SMYD3: variants seen among roughly 807,000 people sequenced by gnomAD.
SMYD3 encodes histone-lysine N-methyltransferase SMYD3.
Under a neutral mutation model 57.7 loss-of-function variants are expected in SMYD3, and 36 were observed. That is an observed-to-expected ratio of 0.62 (90% CI 0.48 to 0.82). The LOEUF (loss-of-function observed/expected upper bound fraction) is 0.82, where lower values mean the gene tolerates loss of function less well. Ranked by LOEUF, SMYD3 falls within the 40% of genes least tolerant of loss-of-function variation. The probability of loss-of-function intolerance (pLI) is 0.00; values close to 1 mark genes in which losing one functional copy is unlikely to be tolerated. For missense variants in SMYD3, 515 were observed against 538.8 expected, an observed-to-expected ratio of 0.96 and a Z score of 0.44; for synonymous variants, 211 against 195.0, an observed-to-expected ratio of 1.08 and a Z score of -0.68.
intron 5 of SMYD3, among the ~76,000 whole-genome samples, chr1:246,261,048 G>T (rs577938898): frequency 0.064 from 6,265 of 98,624 alleles, 205 homozygotes; most frequent in African/African-American, 0.12. Context: ...GGGTTTTGTT[G>T]TTGTTGTTGT....
chr1:246,017,183 G>C (rs1208310320), intron 5 of SMYD3, among the ~76,000 whole-genome samples: 3 of 152,020 alleles, frequency 2.0e-5, no homozygotes, highest in South Asian at 2.1e-4. Flanking sequence ...TATTTTGAAA[G>C]AATCTTAAAC....
chr1:246,100,706 A>G (rs1362935591), intron 5 of SMYD3, among the ~76,000 whole-genome samples: 1 of 152,124 alleles, frequency 6.6e-6, no homozygotes, highest in Admixed American at 6.5e-5. Context: ...TATATTCCTG[A>G]GCATCCTGGG....
intron 1 of SMYD3, among the ~76,000 whole-genome samples, chr1:246,485,307 C>G (rs1048284440): frequency 2.0e-5 from 3 of 152,128 alleles, no homozygotes; most frequent in African/African-American, 7.2e-5. Flanking sequence ...TCACTTCAAC[C>G]AAAATACCTA....
At chr1:246,304,388 T>C (rs1328608793) in intron 5 of SMYD3, among the ~76,000 whole-genome samples, 2 of 152,084 alleles carry the variant, frequency 1.3e-5, no homozygotes, top group Non-Finnish European at 2.9e-5. Context: ...TCAAAGCACA[T>C]TGTAAAAATA....
At chr1:245,910,380 C>T (rs573788614) in intron 8 of SMYD3, among the ~76,000 whole-genome samples, 1 of 152,104 alleles carries the variant, frequency 6.6e-6, no homozygotes, top group Non-Finnish European at 1.5e-5. Context: ...AAGCAATCTA[C>T]ATTTTCAATG....
chr1:246,474,151 T>G (rs1005494023), intron 1 of SMYD3, among the ~76,000 whole-genome samples: 1 of 152,236 alleles, frequency 6.6e-6, no homozygotes, highest in South Asian at 2.1e-4. Context: ...TTTCAGCTTT[T>G]ACCTAAACTT....
intron 1 of SMYD3, among the ~76,000 whole-genome samples, chr1:246,363,180 G>A (rs1324786991): frequency 8.7e-5 from 13 of 148,704 alleles, no homozygotes; most frequent in Non-Finnish European, 9.0e-5. Context: ...GAGCCCCTCC[G>A]CCCGGCAGCC....
At chr1:246,271,335 C>T (rs908704016) in intron 5 of SMYD3, among the ~76,000 whole-genome samples, 1 of 151,932 alleles carries the variant, frequency 6.6e-6, no homozygotes, top group East Asian at 1.9e-4. Context: ...TTTTCTTTAG[C>T]TGCCTGTTCC....
chr1:246,341,483 C>A (rs986115028), intron 2 of SMYD3, among the ~76,000 whole-genome samples: 3 of 151,898 alleles, frequency 2.0e-5, no homozygotes, highest in Non-Finnish European at 4.4e-5. Context: ...AACAGGTGTT[C>A]AATACATATT....
rs528277617 is a variant in SMYD3 at position 246,041,784 on chromosome 1, T to G, written c.532-111847A>C. Among the ~76,000 whole-genome samples, 3 of 151,908 alleles carry G rather than the reference T, an allele frequency of 2.0e-5. 1 individual carries two copies. In the South Asian group the frequency reaches 6.2e-4, roughly 32 times the overall value. On this transcript the variant is annotated intron_variant, in intron 5 of 11. Transcript: ENST00000490107. ...CAATGGACGGACTCAGAGTTATACC[T>G]AGCTCAATCTAGATGGTATGTAATC...
intron 5 of SMYD3, among the ~76,000 whole-genome samples, chr1:246,074,503 A>G (rs1394994830): frequency 6.6e-6 from 1 of 152,210 alleles, no homozygotes; most frequent in African/African-American, 2.4e-5. Context: ...ATTTAAAAAA[A>G]CTAACTGAAG....
chr1:246,395,581 C>T (rs1006955290), intron 1 of SMYD3, among the ~76,000 whole-genome samples: 4 of 151,864 alleles, frequency 2.6e-5, no homozygotes, highest in East Asian at 3.9e-4. Flanking sequence ...TGCGAGTGGA[C>T]CCCCACGGTC....
Position 246,342,763 on chromosome 1 carries a change from A to G in SMYD3, c.229-7289T>C, listed in dbSNP as rs533617159. Reference sequence around the variant, plus strand: ...ATGGTCTTAGGGCATAAGGTTGACAAGAGGAAAAAAAGAACGTGAATAAAT... The same window carrying G: ...ATGGTCTTAGGGCATAAGGTTGACAGGAGGAAAAAAAGAACGTGAATAAAT... On this transcript the variant is annotated intron_variant, in intron 2 of 11. Coordinates refer to ENST00000490107, the MANE Select transcript of SMYD3 (RefSeq NM_001167740.2). 2.6e-5 allele frequency among the ~76,000 whole-genome samples: 4 copies of G among 152,308 alleles called. No individual in the cohort carries two copies. The East Asian group carries it at 7.7e-4, about 29-fold the overall frequency.
chr1:245,787,089 C>T (rs907524616), intron 10 of SMYD3, among the ~76,000 whole-genome samples: 3 of 152,214 alleles, frequency 2.0e-5, no homozygotes, highest in Admixed American at 2.0e-4. Context: ...CTTTACAACG[C>T]CTTCTTCCAC....
chr1:245,838,697 A>C (rs1485354637), intron 10 of SMYD3, among the ~76,000 whole-genome samples: 1 of 152,242 alleles, frequency 6.6e-6, no homozygotes, highest in East Asian at 1.9e-4. Flanking sequence ...CGTTAGTGTC[A>C]TGGTGAATCT....
chr1:246,478,745 T>TGTC (rs1558483115), intron 1 of SMYD3, among the ~76,000 whole-genome samples: 5 of 10,096 alleles, frequency 5.0e-4, no homozygotes, highest in African/African-American at 5.4e-4. Flanking sequence ...CTGTCCTCCA[T>TGTC]CTGGAGCTGG....
chr1:246,160,529 G>A (rs2062099521), intron 5 of SMYD3, among the ~76,000 whole-genome samples: 1 of 152,172 alleles, frequency 6.6e-6, no homozygotes, highest in African/African-American at 2.4e-5. Flanking sequence ...GTGCAAAGGT[G>A]GGCCCAGAGC....
intron 10 of SMYD3, among the ~76,000 whole-genome samples, chr1:245,795,803 CCT>C (rs1377815696): frequency 6.6e-6 from 1 of 152,158 alleles, no homozygotes; most frequent in African/African-American, 2.4e-5. Flanking sequence ...GCTCTTGTCC[CCT>C]CTCTCCCTAA....
chr1:245,771,129 T>G (rs35285673), intron 10 of SMYD3, among the ~76,000 whole-genome samples: 13,545 of 150,948 alleles, frequency 0.09, 713 homozygotes, highest in Admixed American at 0.16. Context: ...TACATATATA[T>G]ACATGTATAT....
Sources: allele counts gnomAD v4.1 joint callset (sites outside exome capture counted in the v4.1 genomes callset), GRCh38; gene constraint gnomAD v4.1.1; transcripts MANE v1.5; gene names NCBI Gene and HGNC (gene_info 2026-07-23, HGNC 2026-07-21).